The following PTCH1 variants were observed in gnomAD, a reference collection of about 807,000 sequenced individuals.
PTCH1 encodes the protein protein patched homolog 1.
PTCH1 carries 14 observed loss-of-function variants against 144.6 expected under a neutral mutation model. The observed-to-expected ratio is 0.10, with a 90% CI of 0.06 to 0.15. The LOEUF (loss-of-function observed/expected upper bound fraction) is 0.15. Among genes scored for constraint, PTCH1 ranks in the 10% least tolerant of loss-of-function variants. PTCH1 has a pLI of 1.00. For missense variants in PTCH1, 1,623 were observed against 1,948.3 expected (o/e 0.83, Z 3.14); for synonymous variants, 833 against 793.6 (o/e 1.05, Z -0.83).
Position 95,468,038 on chromosome 9 carries a change from C to T in PTCH1, c.2251-613G>A, listed in dbSNP as rs138678047. Reference sequence around the variant, plus strand: ...CCTCCTGTCTCAGCTGCCCAAGTAGCTAGGACTACAGGTACACAGCACCAT... The same window carrying T: ...CCTCCTGTCTCAGCTGCCCAAGTAGTTAGGACTACAGGTACACAGCACCAT... On this transcript the variant is annotated intron_variant, in intron 14 of 23. Coordinates refer to ENST00000331920, the MANE Select transcript of PTCH1 (RefSeq NM_000264.5). Among the ~76,000 whole-genome samples, 1,163 of 152,282 alleles carry T rather than the reference C, an allele frequency of 7.6e-3. 20 individuals are homozygous for T. Among genetic ancestry groups the T allele is most frequent in the Middle Eastern group, 0.017 (5 of 294 alleles).
At chr9:95,478,276 C>T in intron 8 of PTCH1, 90 bp from the exon 9 acceptor site, 1 of 1,580,148 alleles carries the variant, frequency 6.3e-7, no homozygotes, top group Middle Eastern at 1.9e-4. Context: ...ACAGCGCAGC[C>T]CTTCTTTTTT....
At chr9:95,508,085 G>A in intron 1 of PTCH1, 76 bp downstream of exon 1, 1 of 1,596,826 alleles carries the variant, frequency 6.3e-7, no homozygotes. Context: ...GAGTGTGTGT[G>A]TTTGTGTGTG....
intron 2 of PTCH1, among the ~76,000 whole-genome samples, chr9:95,499,187 G>T (rs1022647011): frequency 3.3e-5 from 5 of 151,900 alleles, no homozygotes; most frequent in Admixed American, 1.3e-4. Context: ...TTTTAAAGTT[G>T]CCTCAGCAGT....
intron 14 of PTCH1, 78 bp downstream of exon 14, chr9:95,468,673 G>C (rs1840261508): frequency 6.4e-7 from 1 of 1,556,926 alleles, no homozygotes; most frequent in East Asian, 2.2e-5. Flanking sequence ...AAGAAGAAAA[G>C]TAGAAGCAAT....
At chr9:95,510,015 A>AC (rs1483589502), upstream of PTCH1, among the ~76,000 whole-genome samples, 3 of 151,868 alleles carry the variant, frequency 2.0e-5, no homozygotes, top group African/African-American at 4.8e-5. Flanking sequence ...AAAAAAAAAA[A>AC]ACACAGTCTT....
chr9:95,479,179 C>A, intron 7 of PTCH1, 32 bp from the exon 8 acceptor site: 2 of 1,613,844 alleles, frequency 1.2e-6, no homozygotes, highest in South Asian at 2.2e-5. Context: ...GGCACATCAT[C>A]AGTATTCCCA....
chr9:95,508,097 C>T, intron 1 of PTCH1, 64 bp downstream of exon 1: 1 of 1,597,910 alleles, frequency 6.3e-7, no homozygotes, highest in Non-Finnish European at 8.5e-7. Flanking sequence ...TTGTGTGTGG[C>T]GGGGGCGATC....
In PTCH1 at chr9:95,480,380, T is replaced by G. The variant is rs771708898; in HGVS notation, c.945+10A>C. The G allele has an allele frequency of 6.2e-7, 1 of 1,610,038 alleles. No homozygotes were observed. The highest frequency in any genetic ancestry group is 8.5e-7 in the Non-Finnish European group (1 of 1,179,400). On this transcript the variant is annotated intron_variant, in intron 6 of 23. Coordinates refer to ENST00000331920, the MANE Select transcript of PTCH1 (RefSeq NM_000264.5). ...CCACCCTTCTGAGAGCGCTCACTGC[T>G]GGTACTCACTTTGGTTGAATTTTTG... is the stretch of plus-strand genomic sequence containing the variant.
rs2136573069 is a variant in PTCH1, at chr9:95,447,037, CG to C, written c.4218del (p.His1406GlnfsTer46). The C allele has an allele frequency of 6.2e-7, 1 of 1,614,180 alleles. No homozygotes were observed. Among genetic ancestry groups the C allele is most frequent in the South Asian group, 1.1e-5 (1 of 91,080 alleles). On this transcript the variant is annotated frameshift_variant, in exon 23 of 24. Coordinates refer to ENST00000331920, the MANE Select transcript of PTCH1 (RefSeq NM_000264.5). LOFTEE classifies it high-confidence loss of function. ...GGCACGTGGGGGTCCTCAAACAGGC[CG>C]TGGTCAGTCTCAGGGTAGCCTGGGC... ...GLCPGYPETD[H>X]GLFEDPHVPF...
intron 19 of PTCH1, among the ~76,000 whole-genome samples, chr9:95,454,896 C>T (rs1838781025): frequency 6.6e-6 from 1 of 152,180 alleles, no homozygotes; most frequent in African/African-American, 2.4e-5. Flanking sequence ...TTAGCATTTC[C>T]ATGGTAAAAA....
chr9:95,455,530 T>C (rs1023238874), intron 19 of PTCH1, among the ~76,000 whole-genome samples: 2 of 152,252 alleles, frequency 1.3e-5, no homozygotes, highest in African/African-American at 2.4e-5. Flanking sequence ...TTGTGATGTT[T>C]TGGATAATTC....
chr9:95,447,670 T>C (rs568467013), intron 22 of PTCH1, among the ~76,000 whole-genome samples: 1 of 152,350 alleles, frequency 6.6e-6, no homozygotes, highest in African/African-American at 2.4e-5. Flanking sequence ...AGGCTTTCTC[T>C]GACACGGCTG....
At chr9:95,507,171 G>T (rs192987460) in intron 1 of PTCH1, 164 of 985,546 alleles carry the variant, frequency 1.7e-4, no homozygotes, top group Admixed American at 5.5e-4. Flanking sequence ...CATTTCCATA[G>T]CGTGGGGAGA....
At chr9:95,452,476 C>T (rs9632898) in intron 20 of PTCH1, 30,147 of 152,064 alleles carry the variant, frequency 0.2, 3,306 homozygotes, top group Non-Finnish European at 0.24. Context: ...CTTAGAGCTC[C>T]ATAAAGTAGC....
chr9:95,503,888 C>T (rs1843331635), intron 2 of PTCH1, among the ~76,000 whole-genome samples: 1 of 114,782 alleles, frequency 8.7e-6, no homozygotes, highest in Non-Finnish European at 1.8e-5. Flanking sequence ...CGGTGGCGGG[C>T]GCCTGTAGTC....
At chr9:95,514,865 A>G (rs574892223) in intron 1 of PTCH1, among the ~76,000 whole-genome samples, 1 of 152,336 alleles carries the variant, frequency 6.6e-6, no homozygotes, top group East Asian at 1.9e-4. Flanking sequence ...ACTCACAGTG[A>G]GTTTGAAATG....
In PTCH1 at chr9:95,448,951, C is replaced by A. The variant is rs1328371671; in HGVS notation, c.3804+118G>T. On this transcript the variant is annotated intron_variant, in intron 22 of 23. Transcript: ENST00000331920. ...TGATTTGACCTAGTCTGTACCTTAT[C>A]TCTGCATCCCATCTGCCTGTGTGAT... 2.1e-6 allele frequency: 3 copies of A among 1,416,306 alleles called. No homozygotes were observed. The East Asian group carries it at 7.0e-5, about 33-fold the overall frequency. The allele number at this position is 1,416,306 out of a possible 1,614,324, so 87.7% of individuals were successfully genotyped here.
intron 15 of PTCH1, among the ~76,000 whole-genome samples, chr9:95,462,473 G>A (rs1227069887): frequency 1.3e-5 from 2 of 152,150 alleles, no homozygotes; most frequent in Non-Finnish European, 2.9e-5. Context: ...GGAGCCCAGG[G>A]TGAGCGAACA....
At chr9:95,479,498 C>T (rs1342374653) in intron 7 of PTCH1, among the ~76,000 whole-genome samples, 6 of 152,140 alleles carry the variant, frequency 3.9e-5, no homozygotes, top group East Asian at 1.9e-4. Context: ...AAATCCCAGA[C>T]GGTGGCGTTC....
Sources: gnomAD v4.1 joint callset for allele counts (sites outside exome capture counted in the v4.1 genomes callset) on GRCh38, gnomAD v4.1.1 for gene constraint, MANE v1.5 for transcripts, NCBI Gene and HGNC (gene_info 2026-07-23, HGNC 2026-07-21) for gene names.